HNRNPM: variants seen among roughly 807,000 people sequenced by gnomAD.
The protein encoded by HNRNPM is heterogeneous nuclear ribonucleoprotein M.
A neutral mutation model predicts 73.1 loss-of-function variants in HNRNPM; 11 were observed. That is an observed-to-expected ratio of 0.15 (90% CI 0.09 to 0.25). The LOEUF (loss-of-function observed/expected upper bound fraction) is 0.25, where lower values mean the gene tolerates loss of function less well. Among genes scored for constraint, HNRNPM ranks in the 10% least tolerant of loss-of-function variants. HNRNPM has a pLI of 1.00. For synonymous variants in HNRNPM, 407 were observed against 355.2 expected (o/e 1.15, Z -1.64); for missense variants, 789 against 1,067.9 (o/e 0.74, Z 3.64).
intron 5 of HNRNPM, 100 bp downstream of exon 5, chr19:8,463,786 A>G: frequency 1.3e-6 from 1 of 757,008 alleles, no homozygotes; most frequent in Non-Finnish European, 2.2e-6. Flanking sequence ...GGCATTTACA[A>G]AGCAAGTGCC....
chr19:8,460,453 G>A (rs561274215), intron 2 of HNRNPM, among the ~76,000 whole-genome samples: 1 of 152,314 alleles, frequency 6.6e-6, no homozygotes, highest in Admixed American at 6.5e-5. Context: ...ACTGCTAAAT[G>A]ATGATACCAC....
intron 8 of HNRNPM, among the ~76,000 whole-genome samples, chr19:8,468,184 A>G (rs1969888601): frequency 6.6e-6 from 1 of 152,226 alleles, no homozygotes; most frequent in Non-Finnish European, 1.5e-5. Context: ...ATGGTTATAT[A>G]TGTGGGGTTC....
chr19:8,468,627 C>T, intron 8 of HNRNPM, 147 bp from the exon 9 acceptor site: 1 of 628,362 alleles, frequency 1.6e-6, no homozygotes. Context: ...GCATGCTCCG[C>T]ATGCCTTTCT....
chr19:8,460,719 T>G (rs1969342127), intron 2 of HNRNPM, among the ~76,000 whole-genome samples: 1 of 152,238 alleles, frequency 6.6e-6, no homozygotes, highest in Non-Finnish European at 1.5e-5. Flanking sequence ...GACTTGAATT[T>G]CGGCAACATG....
intron 3 of HNRNPM, among the ~76,000 whole-genome samples, 168 bp from the exon 4 acceptor site, chr19:8,463,329 C>T (rs555079980): frequency 2.6e-5 from 4 of 152,250 alleles, no homozygotes; most frequent in Admixed American, 1.3e-4. Context: ...GAAGGCGAGG[C>T]GAGGCACTTC....
intron 13 of HNRNPM, among the ~76,000 whole-genome samples, chr19:8,485,355 AG>A (rs979733601): frequency 1.3e-5 from 2 of 152,180 alleles, no homozygotes; most frequent in African/African-American, 4.8e-5. Context: ...ACACACATAC[AG>A]GGGTGTTCTT....
At chr19:8,463,866 T>A in intron 5 of HNRNPM, 180 bp downstream of exon 5, 1 of 573,714 alleles carries the variant, frequency 1.7e-6, no homozygotes, top group Non-Finnish European at 3.1e-6. Flanking sequence ...GACTTTGGGG[T>A]GGTGGCCAAG....
chr19:8,479,051 C>CAATTT (rs1221755942), intron 12 of HNRNPM, among the ~76,000 whole-genome samples: 1 of 142,682 alleles, frequency 7.0e-6, no homozygotes. Context: ...GGTGGCAGAG[C>CAATTT]AATTTCCTCC....
chr19:8,447,929 G>A (rs1370570666), intron 1 of HNRNPM, among the ~76,000 whole-genome samples: 2 of 152,186 alleles, frequency 1.3e-5, no homozygotes, highest in African/African-American at 4.8e-5. Context: ...GGGAGGCTGA[G>A]GCAGGAGAAT....
intron 2 of HNRNPM, among the ~76,000 whole-genome samples, 171 bp downstream of exon 2, chr19:8,455,745 GTTTTT>G (rs34467960): frequency 8.3e-5 from 12 of 144,160 alleles, no homozygotes; most frequent in African/African-American, 3.1e-4. Flanking sequence ...TTTGTTTTGT[GTTTTT>G]TTTTTGTTTT....
chr19:8,448,187 G>T (rs1302393242), intron 1 of HNRNPM, among the ~76,000 whole-genome samples: 1 of 152,160 alleles, frequency 6.6e-6, no homozygotes, highest in African/African-American at 2.4e-5. Context: ...TTCTCTACCA[G>T]GAGTGGAGTG....
intron 8 of HNRNPM, 69 bp downstream of exon 8, chr19:8,467,653 A>C: frequency 1.9e-6 from 2 of 1,058,084 alleles, no homozygotes; most frequent in African/African-American, 1.6e-5. Context: ...ATAAGAGTGT[A>C]CATATAGCCA....
At chr19:8,467,031 A>G (rs952590640) in intron 7 of HNRNPM, among the ~76,000 whole-genome samples, 1 of 152,022 alleles carries the variant, frequency 6.6e-6, no homozygotes, top group Non-Finnish European at 1.5e-5. Context: ...TGTGTAATAC[A>G]TCCTTATAGG....
At chr19:8,455,225 C>A (rs1968923790) in intron 1 of HNRNPM, among the ~76,000 whole-genome samples, 180 bp from the exon 2 acceptor site, 1 of 152,134 alleles carries the variant, frequency 6.6e-6, no homozygotes, top group African/African-American at 2.4e-5. Flanking sequence ...AAATGATCCC[C>A]CCTTCTTGGC....
At chr19:8,467,448 TAGC>T (rs1386081840) in intron 7 of HNRNPM, 84 bp from the exon 8 acceptor site, 8 of 881,258 alleles carry the variant, frequency 9.1e-6, no homozygotes, top group Non-Finnish European at 1.5e-5. Context: ...GAGGGACTGG[TAGC>T]AGTTGGAGTA....
chr19:8,463,351 C>T (rs1327983232), intron 3 of HNRNPM, 146 bp from the exon 4 acceptor site: 10 of 899,444 alleles, frequency 1.1e-5, no homozygotes, highest in Non-Finnish European at 1.8e-5. Flanking sequence ...GTCAGCTTCC[C>T]CTTAGAAGGG....
chr19:8,445,013 C>G lies in HNRNPM; in HGVS notation c.15C>G (p.Val5=), dbSNP rs762082643. ...ACGCGGAGAAAATGGCGGCAGGGGT[C>G]GAAGCGGCGGCGGAGGTGGCGGCGA... The part of the protein sequence containing the change: MAAG[V]EAAAEVAATE... Residue 5 remains valine (V), a synonymous_variant, in exon 1 of 16, where the codon GTC becomes GTG. Coordinates refer to ENST00000325495, the MANE Select transcript of HNRNPM (RefSeq NM_005968.5). The G allele has an allele frequency of 7.0e-6, 10 of 1,423,768 alleles. No individual in the cohort carries two copies. Among genetic ancestry groups the G allele is most frequent in the South Asian group, 4.8e-5 (3 of 63,090 alleles). The allele number at this position is 1,423,768 out of a possible 1,614,324, so 88.2% of individuals were successfully genotyped here. A position where few individuals can be genotyped will look rare whatever the true frequency, so the allele number is the denominator to read the frequency against.
intron 9 of HNRNPM, among the ~76,000 whole-genome samples, chr19:8,469,977 G>A (rs1321987165): frequency 1.3e-5 from 2 of 152,368 alleles, no homozygotes; most frequent in African/African-American, 4.8e-5. Context: ...GAGAAGGATT[G>A]CATTTCCTGG....
At chr19:8,488,652 C>A in intron 15 of HNRNPM, 39 bp from the exon 16 acceptor site, 1 of 1,579,498 alleles carries the variant, frequency 6.3e-7, no homozygotes, top group Non-Finnish European at 8.6e-7. Context: ...CTAACAAAAT[C>A]GGGACTGAGT....
Sources: gnomAD v4.1 joint callset for allele counts (sites outside exome capture counted in the v4.1 genomes callset) on GRCh38, gnomAD v4.1.1 for gene constraint, MANE v1.5 for transcripts, NCBI Gene and HGNC (gene_info 2026-07-23, HGNC 2026-07-21) for gene names.